PZP: variants seen among roughly 807,000 people sequenced by gnomAD.
PZP encodes PZP alpha-2-macroglobulin like.
PZP carries 150 observed loss-of-function variants against 179.8 expected under a neutral mutation model. That is an observed-to-expected ratio of 0.83 (90% confidence interval 0.73 to 0.96). The LOEUF (loss-of-function observed/expected upper bound fraction) is 0.96, where lower values mean the gene tolerates loss of function less well. Among genes scored for constraint, PZP ranks in the 40% least tolerant of loss-of-function variants. The probability of loss-of-function intolerance (pLI) is 0.00; values close to 1 mark genes in which losing one functional copy is unlikely to be tolerated. For synonymous variants in PZP, 624 were observed against 652.3 expected, an observed-to-expected ratio of 0.96 and a Z score of 0.66; for missense variants, 1,689 against 1,764.0, an observed-to-expected ratio of 0.96 and a Z score of 0.76.
At chr12:9,162,761 T>G (rs1941299818) in intron 21 of PZP, 113 bp from the exon 22 acceptor site, 1 of 874,242 alleles carries the variant, frequency 1.1e-6, no homozygotes, top group Non-Finnish European at 1.8e-6. Flanking sequence ...TTTACCATCC[T>G]ACTCTTTTTT....
rs1337978543 is a variant in PZP at position 9,193,928 on chromosome 12, C to A, written c.1254+149G>T. The A allele has an allele frequency of 8.0e-6, 6 of 749,620 alleles. No homozygotes were observed. In the East Asian group the frequency reaches 8.4e-5, roughly 10 times the overall value. 46.4% of individuals were successfully genotyped at this position (749,620 alleles called of 1,614,324 possible). The stretch of plus-strand genomic sequence containing the variant: ...CTTTTCTAATGCCTTTATTGTTTTT[C>A]ATGAAATTCTATTATCCTCAAATTT... On this transcript the variant is annotated intron_variant, in intron 11 of 35. Transcript: ENST00000261336.
At position 9,154,849 on chromosome 12, in the gene PZP, G is replaced by A. The variant is rs1332406473; in HGVS notation, c.3551-10C>T. 1.9e-6 allele frequency: 3 copies of A among 1,600,026 alleles called. No individual in the cohort carries two copies. Among genetic ancestry groups the A allele is most frequent in the East Asian group, 2.2e-5 (1 of 44,812 alleles). On this transcript the variant is annotated splice_polypyrimidine_tract_variant and intron_variant, in intron 28 of 35. Transcript: ENST00000261336. ...CAATGGACGAGGTTGTCTTAAGGGT[G>A]AGAAAAAGGAGATAATTGTAACTCA...
intron 7 of PZP, among the ~76,000 whole-genome samples, chr12:9,197,936 ATAT>A (rs1257923951): frequency 1.6e-5 from 2 of 126,016 alleles, no homozygotes; most frequent in East Asian, 2.0e-4. Flanking sequence ...AGTTATCTAT[ATAT>A]TATATTTATA....
intron 12 of PZP, 113 bp downstream of exon 12, chr12:9,192,396 CACA>C (rs775057850): frequency 9.9e-5 from 126 of 1,278,078 alleles, no homozygotes; most frequent in Non-Finnish European, 1.3e-4. Flanking sequence ...ATGAAGGACG[CACA>C]ACAAGAACAC....
Position 9,153,156 on chromosome 12 carries a change from G to A in PZP, c.3962C>T (p.Thr1321Ile). Residue 1321 changes from threonine (T) to isoleucine (I), a missense_variant, in exon 30 of 36, where the codon ACA becomes ATA. Coordinates refer to ENST00000261336, the MANE Select transcript of PZP (RefSeq NM_002864.3). The part of the protein sequence containing the change: ...LPELPGEYVI[T>I]VTGERCVYLQ... ...ATACACACATCTTTCCCCAGTTACTGTTATGACATATTCTCCAGGGAGCTC... is the reference window on the plus strand; with the variant it reads ...ATACACACATCTTTCCCCAGTTACTATTATGACATATTCTCCAGGGAGCTC... 3 of 1,614,142 alleles carry A rather than the reference G, an allele frequency of 1.9e-6. No homozygotes were observed. The highest frequency in any genetic ancestry group is 2.5e-6 in the Non-Finnish European group (3 of 1,179,988).
chr12:9,165,904 A>C, intron 18 of PZP, 148 bp downstream of exon 18: 76 of 827,104 alleles, frequency 9.2e-5, no homozygotes, highest in Non-Finnish European at 1.2e-4. Flanking sequence ...AGCCTATGCA[A>C]TTGCGCATTT....
Position 9,208,259 on chromosome 12 carries a change from GGTTC to G in PZP, c.79_82del (p.Glu27ArgfsTer23). On this transcript the variant is annotated frameshift_variant and splice_region_variant, in exon 1 of 36. Coordinates refer to ENST00000261336, the MANE Select transcript of PZP (RefSeq NM_002864.3). LOFTEE classifies it high-confidence loss of function. ...GGAAGGGGTCTTGAGTGAGACTTAC[GGTTC>G]TGTAGAGTTTGAGTCACTGGCAGAA... The G allele has an allele frequency of 6.2e-7, 1 of 1,610,958 alleles. No individual in the cohort carries two copies. The highest frequency in any genetic ancestry group is 1.3e-5 in the African/African-American group (1 of 74,982).
chr12:9,165,129 T>C lies in PZP; in HGVS notation c.2487+10A>G. On this transcript the variant is annotated intron_variant, in intron 19 of 35. Coordinates refer to ENST00000261336, the MANE Select transcript of PZP (RefSeq NM_002864.3). ...TACCCACCTTTCCTGTTCACCCTCA[T>C]TTTCCTTACCCGGATGCATTTGGGA... is the stretch of plus-strand genomic sequence containing the variant. 6.2e-7 allele frequency: 1 copy of C among 1,612,722 alleles called. No individual in the cohort carries two copies. Among genetic ancestry groups the C allele is most frequent in the Admixed American group, 1.7e-5 (1 of 60,014 alleles).
In PZP at chr12:9,152,856, G is replaced by A; in HGVS notation, c.4089C>T (p.Ala1363=). 1 of 1,614,058 alleles carries A rather than the reference G, an allele frequency of 6.2e-7. No individual in the cohort carries two copies. Among genetic ancestry groups the A allele is most frequent in the Non-Finnish European group, 8.5e-7 (1 of 1,179,978 alleles). ...TCAGTGAGATCTGAAAGCTGGTGTG[G>A]GCTTTGTGTCCATCGCAAGTTTGGG... ...TVPQTCDGHK[A]HTSFQISLTI... Residue 1363 remains alanine, a synonymous_variant, in exon 31 of 36, where the codon GCC becomes GCT. Coordinates refer to ENST00000261336, the MANE Select transcript of PZP (RefSeq NM_002864.3).
chr12:9,151,702 G>C (rs1236445057), intron 32 of PZP, 30 bp from the exon 33 acceptor site: 6 of 1,573,130 alleles, frequency 3.8e-6, no homozygotes, highest in Non-Finnish European at 4.4e-6. Flanking sequence ...TTCAGTTAAA[G>C]TTAGAGAACA....
chr12:9,150,560 A>AG, intron 34 of PZP, 84 bp downstream of exon 34: 1 of 891,300 alleles, frequency 1.1e-6, no homozygotes, highest in Non-Finnish European at 1.8e-6. Context: ...ATGTTGACTA[A>AG]GTGGGCTAAG....
At chr12:9,153,669 G>C (rs1198445806) in intron 29 of PZP, among the ~76,000 whole-genome samples, 1 of 152,192 alleles carries the variant, frequency 6.6e-6, no homozygotes, top group Non-Finnish European at 1.5e-5. Context: ...GTAGATGATT[G>C]ACCAGTTAGA....
chr12:9,165,510 T>C (rs1941521556), intron 18 of PZP, 143 bp from the exon 19 acceptor site: 2 of 928,792 alleles, frequency 2.2e-6, no homozygotes, highest in South Asian at 1.7e-5. Context: ...GAACACTAGA[T>C]TATGTCCTGG....
At chr12:9,183,524 C>G (rs1942909548) in intron 13 of PZP, among the ~76,000 whole-genome samples, 1 of 152,132 alleles carries the variant, frequency 6.6e-6, no homozygotes, top group South Asian at 2.1e-4. Context: ...CTCAGCCTCC[C>G]CAGTAGCTGG....
rs1032793856 is a variant in PZP at position 9,148,883 on chromosome 12, T to C, written c.*89A>G. The C allele has an allele frequency of 1.9e-5, 22 of 1,134,580 alleles. No homozygotes were observed. Among genetic ancestry groups the C allele is most frequent in the Non-Finnish European group, 2.6e-5 (20 of 768,356 alleles). The allele number at this position is 1,134,580 out of a possible 1,614,324, so 70.3% of individuals were successfully genotyped here. On this transcript the variant is annotated 3_prime_UTR_variant, in exon 36 of 36. Coordinates refer to ENST00000261336, the MANE Select transcript of PZP (RefSeq NM_002864.3). ...ATATTTATTCAGCAAATATTTTTAGTGTCTATTTTATAGAGACAAATAACT... is the reference window on the plus strand; with the variant it reads ...ATATTTATTCAGCAAATATTTTTAGCGTCTATTTTATAGAGACAAATAACT...
chr12:9,170,915 C>G lies in PZP; in HGVS notation c.1840-1324G>C, dbSNP rs1941949360. 6.6e-6 allele frequency among the ~76,000 whole-genome samples: 1 copy of G among 152,168 alleles called. No individual in the cohort carries two copies. Among genetic ancestry groups the G allele is most frequent in the Non-Finnish European group, 1.5e-5 (1 of 68,020 alleles). ...CTGCAGTTTGGTTGACTCTGCCACTCCAACCTGCTGGCTTTGGAGAATACA... is the reference window on the plus strand; with the variant it reads ...CTGCAGTTTGGTTGACTCTGCCACTGCAACCTGCTGGCTTTGGAGAATACA... On this transcript the variant is annotated intron_variant, in intron 15 of 35. Transcript: ENST00000261336. This position sits in a 1 kb window ranked among gnomAD's most constrained non-coding sequence, Gnocchi z 4.6.
rs750820555 is a variant in PZP, at chr12:9,157,301, T to C, written c.3424A>G (p.Lys1142Glu). 85 of 1,613,932 alleles carry C rather than the reference T, an allele frequency of 5.3e-5. 1 individual carries two copies. The South Asian group carries it at 8.8e-4, about 17-fold the overall frequency. Reference protein sequence around the residue: ...FCLESAWNVAKEGTHGSHVYT... With the variant: ...FCLESAWNVAEEGTHGSHVYT... The stretch of plus-strand genomic sequence containing the variant: ...ACATGGCTCCCATGGGTCCCCTCCT[T>C]TGCTACATTCCAGGCTGACTCCAGG... Residue 1142 changes from lysine (K) to glutamate (E), a missense_variant, in exon 28 of 36, where the codon AAG becomes GAG. Physicochemically the swap from Lys to Glu is moderately conservative, Grantham distance 56 (BLOSUM62 1). Transcript: ENST00000261336.
Position 9,157,840 on chromosome 12 carries a change from C to G in PZP, c.3296G>C (p.Gly1099Ala). 1.2e-6 allele frequency: 2 copies of G among 1,612,386 alleles called. No homozygotes were observed. The highest frequency in any genetic ancestry group is 1.7e-6 in the Non-Finnish European group (2 of 1,178,504). The change falls in exon 27 of 36, where the codon GGA becomes GCA. Residue 1099 changes from glycine to alanine, a missense_variant and splice_region_variant. Transcript: ENST00000261336. ...GAGGGTCGCTTCATCTTCTACACCT[C>G]CCTGTGAATACAACATTGATTTGAT... ...SGSLLNNAIK[G>A]GVEDEATLSA... is the part of the protein sequence containing the mutation.
At chr12:9,171,571 T>G (rs1471645419) in intron 15 of PZP, among the ~76,000 whole-genome samples, 3 of 152,018 alleles carry the variant, frequency 2.0e-5, no homozygotes, top group African/African-American at 7.2e-5. Context: ...TGTAACCCAA[T>G]GAAAAGAAGC....
Sources: gnomAD v4.1 joint callset for allele counts (sites outside exome capture counted in the v4.1 genomes callset) on GRCh38, gnomAD v4.1.1 for gene constraint, Gnocchi (gnomAD v3.1) non-coding constraint, MANE v1.5 for transcripts, NCBI Gene and HGNC (gene_info 2026-07-23, HGNC 2026-07-21) for gene names.